Variants in SEZ6L observed in about 807,000 individuals in gnomAD.
The protein encoded by SEZ6L is seizure 6-like protein.
A neutral mutation model predicts 106.2 loss-of-function variants in SEZ6L; 37 were observed. That is an observed-to-expected ratio of 0.35 (90% CI 0.27 to 0.46). The LOEUF is 0.46. Among genes scored for constraint, SEZ6L ranks in the 20% least tolerant of loss-of-function variants. SEZ6L has a pLI of 1.00. For synonymous variants in SEZ6L, 541 were observed against 570.4 expected (o/e 0.95, Z 0.73); for missense variants, 1,172 against 1,332.8 (o/e 0.88, Z 1.88).
At chr22:26,177,906 C>A (rs968451117) in intron 1 of SEZ6L, among the ~76,000 whole-genome samples, 1 of 152,164 alleles carries the variant, frequency 6.6e-6, no homozygotes, top group African/African-American at 2.4e-5. Flanking sequence ...GACCCAGAGA[C>A]AAGAAAGGGC....
intron 1 of SEZ6L, among the ~76,000 whole-genome samples, chr22:26,205,914 A>G (rs1941247950): frequency 1.3e-5 from 2 of 152,050 alleles, no homozygotes; most frequent in Admixed American, 6.5e-5. Context: ...ACTCATGGGA[A>G]CCATCATGTC....
rs529520298 is a variant in SEZ6L, at chr22:26,194,998, G to T, written c.94+25235G>T. ...CATGTTCCTTTTAATAACAGTTTTTGCTGGACAGGACATAAAGAAATAGAA... is the reference window on the plus strand; with the variant it reads ...CATGTTCCTTTTAATAACAGTTTTTTCTGGACAGGACATAAAGAAATAGAA... On this transcript the variant is annotated intron_variant, in intron 1 of 16. Transcript: ENST00000248933. 2.0e-5 allele frequency among the ~76,000 whole-genome samples: 3 copies of T among 152,274 alleles called. No individual in the cohort carries two copies. The South Asian group carries it at 6.2e-4, about 32-fold the overall frequency.
chr22:26,300,981 T>C (rs1369630584), intron 5 of SEZ6L, among the ~76,000 whole-genome samples: 1 of 152,252 alleles, frequency 6.6e-6, no homozygotes, highest in Non-Finnish European at 1.5e-5. Context: ...AATTAAATAT[T>C]TTTTTCTTTT....
In SEZ6L at chr22:26,240,568, ATAAT is replaced by A. The variant is rs2079094092; in HGVS notation, c.95-51834_95-51831del. ...CAAAATTGCTTGAGGCAATTTAATA[ATAAT>A]TAAATAATAATGTTATATGCTATCA... is the stretch of plus-strand genomic sequence containing the variant. On this transcript the variant is annotated intron_variant, in intron 1 of 16. Transcript: ENST00000248933. Among the ~76,000 whole-genome samples, 6 of 152,258 alleles carry A rather than the reference ATAAT, an allele frequency of 3.9e-5. No homozygotes were observed. The South Asian group carries it at 1.0e-3, about 26-fold the overall frequency.
Position 26,383,020 on chromosome 22 carries a change from T to A in SEZ6L, c.*2725T>A, listed in dbSNP as rs369050660. The A allele has an allele frequency of 7.9e-5, 12 of 152,104 alleles. No individual in the cohort carries two copies. Among genetic ancestry groups the A allele is most frequent in the African/African-American group, 2.2e-4 (9 of 41,506 alleles). 9.4% of individuals were successfully genotyped at this position (152,104 alleles called of 1,614,324 possible). On this transcript the variant is annotated 3_prime_UTR_variant, in exon 17 of 17. Coordinates refer to ENST00000248933, the MANE Select transcript of SEZ6L (RefSeq NM_021115.5). ...TATCTGTCAGCTACCACCCTGTGCTTTAAAAATGCACACACTCAACCCTCT... is the reference window on the plus strand; with the variant it reads ...TATCTGTCAGCTACCACCCTGTGCTATAAAAATGCACACACTCAACCCTCT...
chr22:26,319,905 T>A (rs1393241850), intron 9 of SEZ6L, among the ~76,000 whole-genome samples: 1 of 152,208 alleles, frequency 6.6e-6, no homozygotes, highest in African/African-American at 2.4e-5. Context: ...AGCGAGAATT[T>A]GAACCCAAAT....
chr22:26,369,805 C>T (rs917135666), intron 13 of SEZ6L, among the ~76,000 whole-genome samples: 16 of 151,998 alleles, frequency 1.1e-4, no homozygotes, highest in African/African-American at 3.4e-4. Flanking sequence ...TTAATAGAGA[C>T]GGAGTTTTGT....
intron 16 of SEZ6L, among the ~76,000 whole-genome samples, chr22:26,379,676 G>A (rs1032115033): frequency 1.1e-4 from 16 of 152,162 alleles, no homozygotes; most frequent in African/African-American, 3.9e-4. Flanking sequence ...CATGGCAATG[G>A]TAGATCAGGG....
At chr22:26,261,769 G>T (rs1238009949) in intron 1 of SEZ6L, among the ~76,000 whole-genome samples, 1 of 152,156 alleles carries the variant, frequency 6.6e-6, no homozygotes. Flanking sequence ...ATAGAGTTGG[G>T]AGGGTAGATA....
At chr22:26,239,899 C>T (rs2079062031) in intron 1 of SEZ6L, among the ~76,000 whole-genome samples, 1 of 151,538 alleles carries the variant, frequency 6.6e-6, no homozygotes, top group African/African-American at 2.4e-5. Flanking sequence ...CCTCTGCCAT[C>T]CCCCCACAAC....
chr22:26,337,786 G>GTAGC (rs1482890405), intron 9 of SEZ6L, among the ~76,000 whole-genome samples: 1 of 152,160 alleles, frequency 6.6e-6, no homozygotes, highest in Non-Finnish European at 1.5e-5. Flanking sequence ...TGTTTTGGGA[G>GTAGC]TAGCATAGGG....
At chr22:26,312,353 C>T (rs1241741314) in intron 8 of SEZ6L, among the ~76,000 whole-genome samples, 1 of 152,208 alleles carries the variant, frequency 6.6e-6, no homozygotes, top group Non-Finnish European at 1.5e-5. Flanking sequence ...CAGCACTTTG[C>T]TAAGAGTGTG....
intron 3 of SEZ6L, among the ~76,000 whole-genome samples, chr22:26,295,595 C>A (rs1350710931): frequency 1.3e-5 from 2 of 152,112 alleles, no homozygotes; most frequent in Non-Finnish European, 2.9e-5. Context: ...CTGGAGAAAA[C>A]CTGCAGTCCA....
At chr22:26,211,498 A>G (rs909591288) in intron 1 of SEZ6L, among the ~76,000 whole-genome samples, 1 of 152,170 alleles carries the variant, frequency 6.6e-6, no homozygotes, top group African/African-American at 2.4e-5. Flanking sequence ...TCCATTTTAT[A>G]TGCAACTGGA....
intron 9 of SEZ6L, among the ~76,000 whole-genome samples, chr22:26,325,763 C>A (rs537367338): frequency 1.7e-5 from 1 of 57,814 alleles, no homozygotes; most frequent in African/African-American, 8.9e-5. Context: ...CCCATCTCTT[C>A]GAGTTCTGAG....
chr22:26,296,549 C>T (rs1448550678), intron 3 of SEZ6L, among the ~76,000 whole-genome samples: 1 of 152,212 alleles, frequency 6.6e-6, no homozygotes, highest in African/African-American at 2.4e-5. Flanking sequence ...GCTGCCTCCA[C>T]TCACCAGCTC....
intron 1 of SEZ6L, among the ~76,000 whole-genome samples, chr22:26,238,279 C>G (rs1006370175): frequency 6.6e-6 from 1 of 152,182 alleles, no homozygotes; most frequent in African/African-American, 2.4e-5. Flanking sequence ...GTATTTTGTA[C>G]GGACCCACTG....
chr22:26,269,301 A>G (rs1219065768), intron 1 of SEZ6L, among the ~76,000 whole-genome samples: 1 of 152,164 alleles, frequency 6.6e-6, no homozygotes, highest in Admixed American at 6.5e-5. Context: ...TTTAAAAATC[A>G]TCCCTGGAGA....
At chr22:26,233,656 G>A (rs983381388) in intron 1 of SEZ6L, among the ~76,000 whole-genome samples, 4 of 152,308 alleles carry the variant, frequency 2.6e-5, no homozygotes, top group African/African-American at 9.6e-5. Flanking sequence ...CATTCTACAT[G>A]TATTTATTGA....
Sources: gnomAD v4.1 joint callset for allele counts (sites outside exome capture counted in the v4.1 genomes callset) on GRCh38, gnomAD v4.1.1 for gene constraint, MANE v1.5 for transcripts, NCBI Gene and HGNC (gene_info 2026-07-23, HGNC 2026-07-21) for gene names.